Variants in CNBD1 observed in about 807,000 individuals in gnomAD.
CNBD1 encodes cyclic nucleotide-binding domain-containing protein 1.
In CNBD1, 71 loss-of-function variants were observed where a neutral mutation model predicts 54.4. The observed-to-expected ratio is 1.30, with a 90% CI of 1.08 to 1.59. CNBD1 has a LOEUF of 1.59. CNBD1 is among the 40% of genes most tolerant of loss of function. The pLI, the probability that CNBD1 is intolerant of heterozygous loss-of-function variation, is 0.00. For missense variants in CNBD1, 659 were observed against 518.0 expected, an observed-to-expected ratio of 1.27 and a Z score of -2.64; for synonymous variants, 182 against 170.7, an observed-to-expected ratio of 1.07 and a Z score of -0.51.
At chr8:87,322,862 G>C (rs1240145318) in intron 8 of CNBD1, among the ~76,000 whole-genome samples, 1 of 117,590 alleles carries the variant, frequency 8.5e-6, no homozygotes, top group Non-Finnish European at 1.8e-5. Flanking sequence ...TGGTGTTTTA[G>C]ACATGAAGTC....
chr8:87,069,893 C>T (rs1232631277), intron 4 of CNBD1, among the ~76,000 whole-genome samples: 1 of 152,038 alleles, frequency 6.6e-6, no homozygotes, highest in African/African-American at 2.4e-5. Flanking sequence ...TCCAGTTACT[C>T]ATTCATAATA....
intron 5 of CNBD1, among the ~76,000 whole-genome samples, chr8:87,233,767 G>A (rs988057750): frequency 2.6e-5 from 4 of 152,240 alleles, no homozygotes; most frequent in African/African-American, 4.8e-5. Context: ...ACCATGCCCA[G>A]TTTGGCTGTG....
intron 4 of CNBD1, among the ~76,000 whole-genome samples, chr8:87,086,347 T>A (rs1364079471): frequency 6.6e-6 from 1 of 152,204 alleles, no homozygotes; most frequent in African/African-American, 2.4e-5. Context: ...AGATTTTTGC[T>A]GAGTAACCCC....
At chr8:87,007,636 G>A (rs1387795427) in intron 4 of CNBD1, among the ~76,000 whole-genome samples, 1 of 151,816 alleles carries the variant, frequency 6.6e-6, no homozygotes, top group African/African-American at 2.4e-5. Flanking sequence ...TTTTCTTTCA[G>A]CAGATGAAAT....
chr8:87,097,487 C>T (rs1453966668), intron 4 of CNBD1, among the ~76,000 whole-genome samples: 1 of 152,166 alleles, frequency 6.6e-6, no homozygotes, highest in Non-Finnish European at 1.5e-5. Context: ...TGTTTCTTCA[C>T]TTGACAAGCA....
rs1033723927 is a variant in CNBD1 at position 87,312,050 on chromosome 8, C to T, written c.1042+25379C>T. Among the ~76,000 whole-genome samples the T allele has an allele frequency of 1.1e-4, 16 of 151,874 alleles. No homozygotes were observed. In the East Asian group the frequency reaches 1.2e-3, roughly 11 times the overall value. On this transcript the variant is annotated intron_variant, in intron 8 of 10. Coordinates refer to ENST00000518476, the MANE Select transcript of CNBD1 (RefSeq NM_173538.3). ...TTGTACCCCAAACCACAGCATCACGCGATATACCTATGTAACAAACCTGCA... is the reference window on the plus strand; with the variant it reads ...TTGTACCCCAAACCACAGCATCACGTGATATACCTATGTAACAAACCTGCA...
chr8:87,325,319 C>T (rs1185965048), intron 8 of CNBD1, among the ~76,000 whole-genome samples: 2 of 93,336 alleles, frequency 2.1e-5, no homozygotes, highest in African/African-American at 1.3e-4. Context: ...TCTATTAGGT[C>T]CGCTTGGTAC....
intron 4 of CNBD1, among the ~76,000 whole-genome samples, chr8:87,027,425 C>A (rs1166869610): frequency 6.6e-6 from 1 of 152,158 alleles, no homozygotes; most frequent in Non-Finnish European, 1.5e-5. Flanking sequence ...GCCTGCACCA[C>A]CATGCCCAGC....
At position 87,116,032 on chromosome 8, in the gene CNBD1, C is replaced by A. The variant is rs190382480; in HGVS notation, c.432-89961C>A. On this transcript the variant is annotated intron_variant, in intron 4 of 10. Coordinates refer to ENST00000518476, the MANE Select transcript of CNBD1 (RefSeq NM_173538.3). ...CTCTTCCCTTGGAACACTCTCTTCA[C>A]TTGCTTCTGTGCATTTTCCTAACTC... Among the ~76,000 whole-genome samples the A allele has an allele frequency of 3.9e-5, 6 of 152,242 alleles. No individual in the cohort carries two copies. In the East Asian group the frequency reaches 1.2e-3, roughly 30 times the overall value.
chr8:87,051,593 T>C (rs1810312508), intron 4 of CNBD1, among the ~76,000 whole-genome samples: 1 of 152,188 alleles, frequency 6.6e-6, no homozygotes, highest in Non-Finnish European at 1.5e-5. Context: ...AAATATTCCT[T>C]ATGGGAAACA....
At chr8:87,038,332 G>A (rs1371908962) in intron 4 of CNBD1, among the ~76,000 whole-genome samples, 1 of 152,120 alleles carries the variant, frequency 6.6e-6, no homozygotes, top group Admixed American at 6.6e-5. Flanking sequence ...ACGCGAGACT[G>A]GCTACACCAT....
intron 6 of CNBD1, among the ~76,000 whole-genome samples, chr8:87,244,122 GGA>G (rs1428281110): frequency 6.6e-6 from 1 of 152,074 alleles, no homozygotes; most frequent in African/African-American, 2.4e-5. Flanking sequence ...CACATTTTAG[GGA>G]GAGATGAGAC....
intron 4 of CNBD1, among the ~76,000 whole-genome samples, chr8:87,119,766 G>A (rs931323376): frequency 1.3e-5 from 2 of 151,990 alleles, no homozygotes; most frequent in African/African-American, 4.8e-5. Flanking sequence ...TCTATGTCTA[G>A]TTTGTTGAGA....
At chr8:87,037,745 T>A (rs1220786468) in intron 4 of CNBD1, among the ~76,000 whole-genome samples, 1 of 152,230 alleles carries the variant, frequency 6.6e-6, no homozygotes, top group Non-Finnish European at 1.5e-5. Context: ...ACCCTTTATG[T>A]AACATTTCTG....
intron 4 of CNBD1, among the ~76,000 whole-genome samples, chr8:87,135,651 T>C (rs955202835): frequency 6.7e-6 from 1 of 148,256 alleles, no homozygotes; most frequent in African/African-American, 2.5e-5. Context: ...TTATATATCC[T>C]ATATATAATA....
intron 8 of CNBD1, among the ~76,000 whole-genome samples, chr8:87,316,318 C>T (rs1476357259): frequency 6.6e-6 from 1 of 151,920 alleles, no homozygotes; most frequent in Admixed American, 6.6e-5. Flanking sequence ...AAATTCCTGT[C>T]TAAGTCAATT....
rs553495998 is a variant in CNBD1 at position 87,190,844 on chromosome 8, T to C, written c.432-15149T>C. 3.3e-5 allele frequency among the ~76,000 whole-genome samples: 5 copies of C among 150,862 alleles called. No individual in the cohort carries two copies. In the South Asian group the frequency reaches 1.0e-3, roughly 32 times the overall value. On this transcript the variant is annotated intron_variant, in intron 4 of 10. Coordinates refer to ENST00000518476, the MANE Select transcript of CNBD1 (RefSeq NM_173538.3). ...CCAATAGGAGGTACATATGTAGATA[T>C]AGATACATGTACCTATATCTAAATA... is the stretch of plus-strand genomic sequence containing the variant.
At chr8:87,268,075 A>G (rs540620868) in intron 6 of CNBD1, among the ~76,000 whole-genome samples, 1 of 152,102 alleles carries the variant, frequency 6.6e-6, no homozygotes, top group Admixed American at 6.6e-5. Context: ...AGCACAGTAC[A>G]CAACAGGTAG....
intron 2 of CNBD1, among the ~76,000 whole-genome samples, chr8:87,405,415 T>A (rs1490108420): frequency 2.0e-5 from 3 of 152,108 alleles, no homozygotes; most frequent in African/African-American, 4.8e-5. Flanking sequence ...ATAATGCTCC[T>A]TAGAGAATAA....
Sources: allele counts gnomAD v4.1 joint callset (sites outside exome capture counted in the v4.1 genomes callset), GRCh38; gene constraint gnomAD v4.1.1; transcripts MANE v1.5; gene names NCBI Gene and HGNC (gene_info 2026-07-23, HGNC 2026-07-21).